Variants in DLG1 observed in about 807,000 individuals in gnomAD.
DLG1 encodes discs large MAGUK scaffold protein 1, also known as disks large homolog 1.
A neutral mutation model predicts 123.4 loss-of-function variants in DLG1; 42 were observed. The ratio of observed to expected loss-of-function variants is 0.34; its 90% CI spans 0.27 to 0.44. DLG1 has a LOEUF of 0.44. DLG1 is among the 20% of genes least tolerant of loss of function. The pLI, the probability that DLG1 is intolerant of heterozygous loss-of-function variation, is 1.00. For missense variants in DLG1, 942 were observed against 1,082.6 expected, an observed-to-expected ratio of 0.87 and a Z score of 1.82; for synonymous variants, 317 against 356.2, an observed-to-expected ratio of 0.89 and a Z score of 1.24.
At chr3:197,053,451 T>C (rs1381363249) in intron 23 of DLG1, among the ~76,000 whole-genome samples, 1 of 152,144 alleles carries the variant, frequency 6.6e-6, no homozygotes, top group African/African-American at 2.4e-5. Flanking sequence ...TTGAACCCAC[T>C]GTTTTCTGGC....
At chr3:197,290,633 A>T (rs1774372059) in intron 3 of DLG1, among the ~76,000 whole-genome samples, 1 of 152,168 alleles carries the variant, frequency 6.6e-6, no homozygotes, top group African/African-American at 2.4e-5. Context: ...GAGTGGAAGG[A>T]ACTGCGTTTT....
rs369403873 is a variant in DLG1, at chr3:197,296,512, C to G, written c.20-35G>C. On this transcript the variant is annotated intron_variant, in intron 2 of 24. Coordinates refer to ENST00000667157, the MANE Select transcript of DLG1 (RefSeq NM_001366207.1). ...AAAAGCAGAGCCTGATTAAAACTCTCTATTTACAAAAAAAGTATCACATAC... is the reference window on the plus strand; with the variant it reads ...AAAAGCAGAGCCTGATTAAAACTCTGTATTTACAAAAAAAGTATCACATAC... 3.7e-6 allele frequency: 6 copies of G among 1,601,204 alleles called. No homozygotes were observed. In the African/African-American group the frequency reaches 8.1e-5, roughly 22 times the overall value.
intron 9 of DLG1, among the ~76,000 whole-genome samples, chr3:197,137,663 T>C (rs1415495162): frequency 6.6e-6 from 1 of 152,118 alleles, no homozygotes; most frequent in Non-Finnish European, 1.5e-5. Context: ...TATAAAAGCA[T>C]ACATCAATAA....
chr3:197,253,012 C>T (rs1199778724), intron 4 of DLG1, among the ~76,000 whole-genome samples: 3 of 151,966 alleles, frequency 2.0e-5, no homozygotes. Context: ...AGAAAATTTT[C>T]AAAACCTAGG....
intron 19 of DLG1, among the ~76,000 whole-genome samples, chr3:197,068,308 A>G (rs1462113280): frequency 1.3e-5 from 2 of 152,170 alleles, no homozygotes; most frequent in African/African-American, 2.4e-5. Flanking sequence ...TAGCCTAGAA[A>G]GCCACTCAAC....
chr3:197,287,870 A>G (rs914236900), intron 3 of DLG1, among the ~76,000 whole-genome samples: 29 of 152,182 alleles, frequency 1.9e-4, no homozygotes, highest in African/African-American at 6.8e-4. Context: ...AAAAATAAAT[A>G]CAACATTCCT....
At chr3:197,251,842 T>C (rs1040395068) in intron 4 of DLG1, among the ~76,000 whole-genome samples, 1 of 152,160 alleles carries the variant, frequency 6.6e-6, no homozygotes, top group African/African-American at 2.4e-5. Context: ...TAATCATATT[T>C]TAAAATGGGC....
At chr3:197,113,100 T>C (rs1771029831) in intron 13 of DLG1, among the ~76,000 whole-genome samples, 2 of 152,224 alleles carry the variant, frequency 1.3e-5, no homozygotes, top group Non-Finnish European at 2.9e-5. Flanking sequence ...TTTATAATTT[T>C]ATATACAGAT....
At chr3:197,273,974 G>T (rs746503721) in intron 4 of DLG1, among the ~76,000 whole-genome samples, 2 of 150,464 alleles carry the variant, frequency 1.3e-5, no homozygotes, top group Non-Finnish European at 3.0e-5. Context: ...AAAATGGAAA[G>T]ATATCCCATG....
At chr3:197,171,343 C>G (rs1206250190) in intron 5 of DLG1, among the ~76,000 whole-genome samples, 1 of 152,130 alleles carries the variant, frequency 6.6e-6, no homozygotes, top group Non-Finnish European at 1.5e-5. Flanking sequence ...GGTCCTGTCA[C>G]TGCAAACAGG....
At chr3:197,066,839 TA>T in intron 19 of DLG1, 85 bp from the exon 20 acceptor site, 2 of 852,696 alleles carry the variant, frequency 2.3e-6, no homozygotes, top group Non-Finnish European at 3.7e-6. Context: ...TATACATTAC[TA>T]GAACTTTCCT....
chr3:197,213,867 G>C (rs889298453), intron 4 of DLG1, among the ~76,000 whole-genome samples: 3 of 152,154 alleles, frequency 2.0e-5, no homozygotes, highest in Non-Finnish European at 4.4e-5. Flanking sequence ...CAGGGTACTA[G>C]TAATTATAAT....
chr3:197,220,640 G>A (rs577512141), intron 4 of DLG1, among the ~76,000 whole-genome samples: 2 of 148,858 alleles, frequency 1.3e-5, no homozygotes, highest in African/African-American at 5.1e-5. Context: ...AGGAGTTTTT[G>A]GACTTTTTTC....
At chr3:197,216,679 A>C (rs1734281505) in intron 4 of DLG1, among the ~76,000 whole-genome samples, 1 of 152,202 alleles carries the variant, frequency 6.6e-6, no homozygotes, top group Admixed American at 6.5e-5. Context: ...ATTCGGCAGA[A>C]ATAGTATTTT....
chr3:197,076,569 T>C lies in DLG1; in HGVS notation c.2005+17A>G. 1 of 1,588,890 alleles carries C rather than the reference T, an allele frequency of 6.3e-7. No individual in the cohort carries two copies. The highest frequency in any genetic ancestry group is 8.6e-7 in the Non-Finnish European group (1 of 1,160,628). On this transcript the variant is annotated intron_variant, in intron 18 of 24. Coordinates refer to ENST00000667157, the MANE Select transcript of DLG1 (RefSeq NM_001366207.1). ...CTCCATTTTATTTTCAGTTGACCAC[T>C]GGATCCACATACTTACGGTCAGCAT...
At position 197,219,003 on chromosome 3, in the gene DLG1, G is replaced by A. The variant is rs528697845; in HGVS notation, c.319-24414C>T. Among the ~76,000 whole-genome samples the A allele has an allele frequency of 2.0e-5, 3 of 152,214 alleles. No homozygotes were observed. The South Asian group carries it at 6.2e-4, about 32-fold the overall frequency. On this transcript the variant is annotated intron_variant, in intron 4 of 24. Transcript: ENST00000667157. ...AAATTAGCCAGGCATGGTGGTGCAT[G>A]ACTGTAATCCCAGCTACTCCGGAAG...
chr3:197,236,501 T>C (rs867194809), intron 4 of DLG1, among the ~76,000 whole-genome samples: 5 of 152,296 alleles, frequency 3.3e-5, no homozygotes, highest in Non-Finnish European at 4.4e-5. Flanking sequence ...ACAACTTTAT[T>C]TGAACTACTG....
At chr3:197,266,866 A>C (rs2151006513) in intron 4 of DLG1, among the ~76,000 whole-genome samples, 1 of 152,360 alleles carries the variant, frequency 6.6e-6, no homozygotes, top group East Asian at 1.9e-4. Context: ...GGAATCCCTG[A>C]AAGCAAAGGG....
chr3:197,057,196 C>T (rs571656247), intron 23 of DLG1, among the ~76,000 whole-genome samples: 1 of 152,176 alleles, frequency 6.6e-6, no homozygotes, highest in South Asian at 2.1e-4. Flanking sequence ...CCTCCTGCTT[C>T]GGCCTCCTAA....
Sources: allele counts gnomAD v4.1 joint callset (sites outside exome capture counted in the v4.1 genomes callset), GRCh38; gene constraint gnomAD v4.1.1; transcripts MANE v1.5; gene names NCBI Gene and HGNC (gene_info 2026-07-23, HGNC 2026-07-21).